The following KCNAB1 variants were observed in gnomAD, a reference collection of about 807,000 sequenced individuals.
The protein encoded by KCNAB1 is voltage-gated potassium channel subunit beta-1.
A neutral mutation model predicts 64.6 loss-of-function variants in KCNAB1; 35 were observed. The ratio of observed to expected loss-of-function variants is 0.54; its 90% CI spans 0.41 to 0.72. The LOEUF (loss-of-function observed/expected upper bound fraction) is 0.72. KCNAB1 is among the 30% of genes least tolerant of loss of function. KCNAB1 has a pLI of 0.00. For missense variants in KCNAB1, 401 were observed against 512.9 expected, an observed-to-expected ratio of 0.78 and a Z score of 2.11; for synonymous variants, 177 against 183.8, an observed-to-expected ratio of 0.96 and a Z score of 0.30.
intron 13 of KCNAB1, among the ~76,000 whole-genome samples, chr3:156,533,430 A>G (rs1718839947): frequency 6.6e-6 from 1 of 152,198 alleles, no homozygotes; most frequent in African/African-American, 2.4e-5. Context: ...AGGAACTGCC[A>G]GCTAAGGCCA....
chr3:156,171,975 A>G (rs925309788), intron 1 of KCNAB1, among the ~76,000 whole-genome samples: 4 of 152,214 alleles, frequency 2.6e-5, no homozygotes, highest in Non-Finnish European at 5.9e-5. Flanking sequence ...GGTGTTCTTT[A>G]ATGAGAAATC....
intron 8 of KCNAB1, among the ~76,000 whole-genome samples, chr3:156,482,682 C>T (rs1329742541): frequency 1.3e-5 from 2 of 152,080 alleles, no homozygotes; most frequent in African/African-American, 4.8e-5. Flanking sequence ...TTGAACTTCT[C>T]TTGTCCCTGG....
intron 2 of KCNAB1, among the ~76,000 whole-genome samples, chr3:156,436,629 T>A (rs576494873): frequency 1.3e-5 from 2 of 152,366 alleles, no homozygotes; most frequent in African/African-American, 4.8e-5. Context: ...TGAAATGGTA[T>A]CTCATTGTGC....
intron 6 of KCNAB1, among the ~76,000 whole-genome samples, chr3:156,465,414 G>C (rs1559898543): frequency 6.6e-6 from 1 of 152,124 alleles, no homozygotes; most frequent in Admixed American, 6.6e-5. Context: ...CTGGAGCCTG[G>C]TGTTGAGCAT....
chr3:156,314,840 C>T (rs1004171031), intron 1 of KCNAB1, among the ~76,000 whole-genome samples: 1 of 152,044 alleles, frequency 6.6e-6, no homozygotes, highest in African/African-American at 2.4e-5. Flanking sequence ...TGGTGATATC[C>T]CCATCTCTAC....
At chr3:156,249,590 G>GA (rs1160399327) in intron 1 of KCNAB1, among the ~76,000 whole-genome samples, 2 of 151,146 alleles carry the variant, frequency 1.3e-5, no homozygotes, top group African/African-American at 4.9e-5. Context: ...GAAAAAAAAA[G>GA]AAAAAAAAGT....
At chr3:156,536,464 T>C in intron 13 of KCNAB1, 194 bp from the exon 14 acceptor site, 1 of 562,374 alleles carries the variant, frequency 1.8e-6, no homozygotes. Flanking sequence ...ATGCCTTCAT[T>C]TATGCAGTCA....
intron 1 of KCNAB1, among the ~76,000 whole-genome samples, chr3:156,378,678 T>C (rs1254440253): frequency 6.6e-6 from 1 of 152,178 alleles, no homozygotes; most frequent in Non-Finnish European, 1.5e-5. Context: ...AGTGTGGCCA[T>C]AGAGTTCTGG....
Position 156,245,984 on chromosome 3 carries a change from A to G in KCNAB1, c.275+125098A>G, listed in dbSNP as rs548894750. 4.6e-5 allele frequency among the ~76,000 whole-genome samples: 7 copies of G among 152,310 alleles called. No homozygotes were observed. In the South Asian group the frequency reaches 1.2e-3, roughly 27 times the overall value. ...TTTAATCAATATTGGTAAAAAAAAA[A>G]AGACTAACAGCATTTAAAAAGAATC... On this transcript the variant is annotated intron_variant, in intron 1 of 13. Transcript: ENST00000490337.
chr3:156,329,691 G>A (rs1723207364), intron 1 of KCNAB1, among the ~76,000 whole-genome samples: 1 of 152,110 alleles, frequency 6.6e-6, no homozygotes, highest in East Asian at 1.9e-4. Flanking sequence ...GCTGAAAAAG[G>A]AAGCCATTTC....
intron 1 of KCNAB1, among the ~76,000 whole-genome samples, chr3:156,184,127 A>G (rs1713041902): frequency 6.6e-6 from 1 of 152,222 alleles, no homozygotes; most frequent in Admixed American, 6.5e-5. Context: ...TTATCTATAT[A>G]CATACAATTT....
intron 11 of KCNAB1, among the ~76,000 whole-genome samples, chr3:156,517,300 C>A (rs1470552377): frequency 6.6e-6 from 1 of 152,188 alleles, no homozygotes; most frequent in Non-Finnish European, 1.5e-5. Flanking sequence ...ATTTTCAAGG[C>A]TCTAGGCCTT....
At chr3:156,251,943 A>C (rs528572605) in intron 1 of KCNAB1, among the ~76,000 whole-genome samples, 8 of 152,338 alleles carry the variant, frequency 5.3e-5, no homozygotes, top group African/African-American at 1.9e-4. Flanking sequence ...AATTTTCAAG[A>C]AGTGACTGAG....
chr3:156,399,755 C>T (rs1044622243), intron 1 of KCNAB1, among the ~76,000 whole-genome samples: 1 of 152,198 alleles, frequency 6.6e-6, no homozygotes, highest in Non-Finnish European at 1.5e-5. Flanking sequence ...CAAAATAAAA[C>T]TTCAGAGGTG....
chr3:156,208,808 C>T (rs1714831703), intron 1 of KCNAB1, among the ~76,000 whole-genome samples: 1 of 152,180 alleles, frequency 6.6e-6, no homozygotes, highest in Non-Finnish European at 1.5e-5. Context: ...ATGTTCTATA[C>T]ACAGGGCAAG....
At chr3:156,275,577 C>T (rs1232252377) in intron 1 of KCNAB1, among the ~76,000 whole-genome samples, 1 of 152,194 alleles carries the variant, frequency 6.6e-6, no homozygotes, top group Non-Finnish European at 1.5e-5. Flanking sequence ...TCCTCTCAAA[C>T]TCTGCCACTG....
chr3:156,292,017 G>T, intron 1 of KCNAB1: 1 of 1,614,158 alleles, frequency 6.2e-7, no homozygotes, highest in Non-Finnish European at 8.5e-7. Flanking sequence ...AACGCAGCCC[G>T]GGCCAAATTC....
intron 12 of KCNAB1, among the ~76,000 whole-genome samples, chr3:156,525,341 G>A (rs1304983845): frequency 6.6e-6 from 1 of 151,204 alleles, no homozygotes; most frequent in Non-Finnish European, 1.5e-5. Flanking sequence ...AGGCTAATGA[G>A]TGTGTCTGTG....
chr3:156,475,583 AAG>A (rs987184993), intron 8 of KCNAB1, among the ~76,000 whole-genome samples: 2 of 152,196 alleles, frequency 1.3e-5, no homozygotes, highest in Non-Finnish European at 2.9e-5. Context: ...ATTTGAGAAA[AAG>A]AGCAAAAATG....
Sources: gnomAD v4.1 joint callset for allele counts (sites outside exome capture counted in the v4.1 genomes callset) on GRCh38, gnomAD v4.1.1 for gene constraint, MANE v1.5 for transcripts, NCBI Gene and HGNC (gene_info 2026-07-23, HGNC 2026-07-21) for gene names.